Variants in ADAMTSL1 observed in about 807,000 individuals in gnomAD.
ADAMTSL1 encodes ADAMTS like 1, also known as ADAMTS-like protein 1.
A neutral mutation model predicts 201.8 loss-of-function variants in ADAMTSL1; 126 were observed. The observed-to-expected ratio is 0.62, with a 90% CI of 0.54 to 0.72. ADAMTSL1 has a LOEUF of 0.72. Among genes scored for constraint, ADAMTSL1 ranks in the 30% least tolerant of loss-of-function variants. ADAMTSL1 has a pLI of 0.00. For missense variants in ADAMTSL1, 2,679 were observed against 2,277.8 expected, an observed-to-expected ratio of 1.18 and a Z score of -3.59; for synonymous variants, 1,121 against 903.4, an observed-to-expected ratio of 1.24 and a Z score of -4.32.
chr9:18,487,895 C>A (rs1031461182), intron 1 of ADAMTSL1, among the ~76,000 whole-genome samples: 1 of 152,200 alleles, frequency 6.6e-6, no homozygotes, highest in African/African-American at 2.4e-5. Context: ...TTTCATCGAT[C>A]CTAAGACACA....
At chr9:18,043,097 G>C (rs1462814525) in intron 1 of ADAMTSL1, among the ~76,000 whole-genome samples, 1 of 152,136 alleles carries the variant, frequency 6.6e-6, no homozygotes, top group Non-Finnish European at 1.5e-5. Flanking sequence ...GTGTAGTACA[G>C]ACCAGTCTTT....
At chr9:18,351,251 A>G (rs1455295180) in intron 2 of ADAMTSL1, among the ~76,000 whole-genome samples, 2 of 142,150 alleles carry the variant, frequency 1.4e-5, no homozygotes, top group South Asian at 2.3e-4. Flanking sequence ...AAGATGAAAG[A>G]CCAAAAAAAA....
intron 2 of ADAMTSL1, among the ~76,000 whole-genome samples, chr9:18,452,886 GC>G (rs1329496641): frequency 6.6e-6 from 1 of 152,216 alleles, no homozygotes; most frequent in Non-Finnish European, 1.5e-5. Flanking sequence ...GGAGCCCCAG[GC>G]CTACAGCTCT....
chr9:18,453,031 G>A (rs1056763067), intron 2 of ADAMTSL1, among the ~76,000 whole-genome samples: 4 of 152,248 alleles, frequency 2.6e-5, no homozygotes, highest in Non-Finnish European at 2.9e-5. Context: ...GTTTCTGCCT[G>A]AGCCCCCAGG....
At chr9:17,967,808 C>T (rs1357296764) in intron 1 of ADAMTSL1, among the ~76,000 whole-genome samples, 2 of 151,982 alleles carry the variant, frequency 1.3e-5, no homozygotes, top group Non-Finnish European at 2.9e-5. Context: ...CATGTATATA[C>T]TTTCTCCATT....
At chr9:18,490,873 G>T (rs942318806) in intron 1 of ADAMTSL1, among the ~76,000 whole-genome samples, 1 of 152,122 alleles carries the variant, frequency 6.6e-6, no homozygotes. Flanking sequence ...TAGAGAATTC[G>T]GGAGTATTGG....
At chr9:18,884,466 CATATCTAAGAAATCATTG>C (rs1466759369) in intron 23 of ADAMTSL1, among the ~76,000 whole-genome samples, 2 of 152,068 alleles carry the variant, frequency 1.3e-5, no homozygotes, top group East Asian at 1.9e-4. Context: ...ATTTTAGTGT[CATATCTAAGAAATCATTG>C]CCAAACCCAA....
intron 4 of ADAMTSL1, among the ~76,000 whole-genome samples, chr9:18,588,868 C>CATATATATACATATACATATATATATAT (rs1564072049): frequency 6.1e-4 from 69 of 113,722 alleles, no homozygotes; most frequent in East Asian, 2.2e-3. Flanking sequence ...AGCTTTGTGC[C>CATATATATACATATACATATATATATAT]ATATATATAC....
chr9:18,720,256 C>G (rs1002031376), intron 14 of ADAMTSL1, among the ~76,000 whole-genome samples: 2 of 152,228 alleles, frequency 1.3e-5, no homozygotes, highest in African/African-American at 4.8e-5. Flanking sequence ...TTACCATTTA[C>G]AACTGTATGA....
At chr9:18,659,357 CA>C (rs956017680) in intron 8 of ADAMTSL1, among the ~76,000 whole-genome samples, 7 of 152,206 alleles carry the variant, frequency 4.6e-5, no homozygotes, top group African/African-American at 1.7e-4. Flanking sequence ...TAAAAGAAGT[CA>C]GTAGAAGTGC....
intron 1 of ADAMTSL1, among the ~76,000 whole-genome samples, chr9:18,161,241 G>T (rs1337426176): frequency 2.0e-5 from 3 of 151,878 alleles, no homozygotes; most frequent in Non-Finnish European, 4.4e-5. Context: ...CTTTATATTT[G>T]ATGTCTTACT....
chr9:18,440,140 C>T (rs1199917790), intron 2 of ADAMTSL1, among the ~76,000 whole-genome samples: 1 of 152,086 alleles, frequency 6.6e-6, no homozygotes, highest in Non-Finnish European at 1.5e-5. Flanking sequence ...GACTTCCTTG[C>T]ATTATTCTTC....
At chr9:18,416,036 C>T (rs1818660714) in intron 2 of ADAMTSL1, among the ~76,000 whole-genome samples, 1 of 151,964 alleles carries the variant, frequency 6.6e-6, no homozygotes, top group Admixed American at 6.6e-5. Context: ...ACCTGTACTA[C>T]AAGAAATCTT....
intron 4 of ADAMTSL1, among the ~76,000 whole-genome samples, chr9:18,600,191 G>C (rs1392110636): frequency 1.3e-5 from 2 of 151,990 alleles, no homozygotes; most frequent in Non-Finnish European, 2.9e-5. Context: ...GGCTATATAG[G>C]CTAGGTATTT....
At chr9:18,215,941 G>A (rs1332205729) in intron 2 of ADAMTSL1, among the ~76,000 whole-genome samples, 1 of 152,162 alleles carries the variant, frequency 6.6e-6, no homozygotes, top group African/African-American at 2.4e-5. Flanking sequence ...CCAAGAGAGA[G>A]TCCATTACGA....
At chr9:18,549,476 G>A (rs1447026790) in intron 3 of ADAMTSL1, among the ~76,000 whole-genome samples, 2 of 151,970 alleles carry the variant, frequency 1.3e-5, no homozygotes, top group Non-Finnish European at 2.9e-5. Flanking sequence ...GGCTACATTT[G>A]AGGAAGAAAA....
intron 2 of ADAMTSL1, among the ~76,000 whole-genome samples, chr9:18,311,562 A>T (rs1263702353): frequency 6.6e-6 from 1 of 152,118 alleles, no homozygotes; most frequent in South Asian, 2.1e-4. Flanking sequence ...GTGCTTCCCT[A>T]GGCCTGAACT....
intron 2 of ADAMTSL1, among the ~76,000 whole-genome samples, chr9:18,315,637 G>T (rs1005719405): frequency 6.6e-6 from 1 of 152,086 alleles, no homozygotes; most frequent in East Asian, 1.9e-4. Context: ...GGGGCCCACC[G>T]ATCCCGCGCC....
chr9:18,656,712 C>T (rs1338364144), intron 7 of ADAMTSL1, among the ~76,000 whole-genome samples: 1 of 151,118 alleles, frequency 6.6e-6, no homozygotes, highest in Non-Finnish European at 1.5e-5. Flanking sequence ...GACTCTGATA[C>T]TTCTCTAATT....
Sources: allele counts gnomAD v4.1 joint callset (sites outside exome capture counted in the v4.1 genomes callset), GRCh38; gene constraint gnomAD v4.1.1; transcripts MANE v1.5; gene names NCBI Gene and HGNC (gene_info 2026-07-23, HGNC 2026-07-21).